The following TRIM24 variants were observed in gnomAD, a reference collection of about 807,000 sequenced individuals.
The protein encoded by TRIM24 is tripartite motif containing 24.
TRIM24 carries 29 observed loss-of-function variants against 123.9 expected under a neutral mutation model. The observed-to-expected ratio is 0.23, with a 90% CI of 0.17 to 0.32. TRIM24 has a LOEUF of 0.32. Among genes scored for constraint, TRIM24 ranks in the 10% least tolerant of loss-of-function variants. The pLI, the probability that TRIM24 is intolerant of heterozygous loss-of-function variation, is 1.00. For missense variants in TRIM24, 932 were observed against 1,295.3 expected, an observed-to-expected ratio of 0.72 and a Z score of 4.31; for synonymous variants, 456 against 461.1, an observed-to-expected ratio of 0.99 and a Z score of 0.14.
chr7:138,553,071 G>A (rs1797244357), intron 8 of TRIM24, among the ~76,000 whole-genome samples: 1 of 152,174 alleles, frequency 6.6e-6, no homozygotes, highest in Non-Finnish European at 1.5e-5. Context: ...GATAAATCTA[G>A]TTTAGCCAAA....
chr7:138,488,073 A>C (rs1308391683), intron 1 of TRIM24, among the ~76,000 whole-genome samples: 1 of 151,694 alleles, frequency 6.6e-6, no homozygotes, highest in Admixed American at 6.6e-5. Flanking sequence ...TAGTCTTGGG[A>C]GTGTGTATGT....
intron 6 of TRIM24, 77 bp from the exon 7 acceptor site, chr7:138,538,580 T>A: frequency 1.4e-6 from 2 of 1,453,448 alleles, no homozygotes; most frequent in Non-Finnish European, 1.9e-6. Context: ...GTTATTCTAA[T>A]TTGTTTACCT....
chr7:138,540,961 C>T (rs1413061925), intron 7 of TRIM24, among the ~76,000 whole-genome samples: 2 of 152,132 alleles, frequency 1.3e-5, no homozygotes, highest in East Asian at 3.9e-4. Flanking sequence ...GCCTCAGCCT[C>T]CCAATAGCTG....
chr7:138,536,955 G>A (rs1183422340), intron 6 of TRIM24, among the ~76,000 whole-genome samples: 4 of 152,170 alleles, frequency 2.6e-5, no homozygotes, highest in Admixed American at 6.5e-5. Context: ...CTTGCAGTTC[G>A]ATCTCAGACT....
intron 2 of TRIM24, 56 bp from the exon 3 acceptor site, chr7:138,515,156 G>C (rs1158328313): frequency 1.3e-6 from 2 of 1,572,600 alleles, no homozygotes; most frequent in Non-Finnish European, 1.7e-6. Flanking sequence ...CATAGCTCGA[G>C]ATAGGACCAC....
At position 138,570,956 on chromosome 7, in the gene TRIM24, T is replaced by C. The variant is rs116816286; in HGVS notation, c.1831T>C (p.Leu611=). The C allele has an allele frequency of 2.1e-4, 344 of 1,614,112 alleles. No individual in the cohort carries two copies. The African/African-American group carries it at 3.7e-3, about 18-fold the overall frequency. ...GGCTTTTGGTTCACCTATGATCGATTTGAGCTCACCAGTGGGAGGGTCTTA... is the reference window on the plus strand; with the variant it reads ...GGCTTTTGGTTCACCTATGATCGATCTGAGCTCACCAGTGGGAGGGTCTTA... The part of the protein sequence containing the change: ...GKAFGSPMID[L]SSPVGGSYNL... Residue 611 remains leucine, a synonymous_variant, in exon 11 of 19, where the codon TTG becomes CTG. Coordinates refer to ENST00000343526, the MANE Select transcript of TRIM24 (RefSeq NM_015905.3).
At chr7:138,497,205 G>T (rs989223330) in intron 1 of TRIM24, among the ~76,000 whole-genome samples, 1 of 151,734 alleles carries the variant, frequency 6.6e-6, no homozygotes, top group South Asian at 2.1e-4. Flanking sequence ...ACTTTTCTTC[G>T]TGGGAAGGTT....
At chr7:138,488,077 T>C (rs1045834594) in intron 1 of TRIM24, among the ~76,000 whole-genome samples, 7 of 152,180 alleles carry the variant, frequency 4.6e-5, no homozygotes, top group African/African-American at 1.7e-4. Context: ...CTTGGGAGTG[T>C]GTATGTGTCC....
At chr7:138,507,384 G>A (rs1349774465) in intron 2 of TRIM24, among the ~76,000 whole-genome samples, 1 of 146,026 alleles carries the variant, frequency 6.8e-6, no homozygotes, top group African/African-American at 2.5e-5. Context: ...TTTTGAGATG[G>A]AGTTTTGCTC....
chr7:138,469,492 G>A (rs982247363), intron 1 of TRIM24, among the ~76,000 whole-genome samples: 4 of 151,936 alleles, frequency 2.6e-5, no homozygotes, highest in African/African-American at 9.7e-5. Context: ...TGTATTTTTA[G>A]TACAGACGGG....
chr7:138,460,867 G>A lies in TRIM24; in HGVS notation c.319G>A (p.Ala107Thr). Residue 107 changes from alanine (A) to threonine (T), a missense_variant, in exon 1 of 19, where the codon GCC becomes ACC. This residue lies in a region of TRIM24 where 164 missense variants were observed against 181.9 expected (regional missense o/e 0.90). Transcript: ENST00000343526. ...GSAETPPPVP[A>T]PGSPVSGSSP... ...GGCCGAGACCCCGCCACCCGTCCCT[G>A]CCCCCGGCTCGCCGGTCAGCGGCTC... 6.5e-7 allele frequency: 1 copy of A among 1,546,222 alleles called. No homozygotes were observed. The highest frequency in any genetic ancestry group is 8.7e-7 in the Non-Finnish European group (1 of 1,155,566).
intron 1 of TRIM24, among the ~76,000 whole-genome samples, chr7:138,501,854 C>T (rs930968994): frequency 6.6e-6 from 1 of 151,272 alleles, no homozygotes; most frequent in South Asian, 2.1e-4. Context: ...TGTCACTACA[C>T]TCCAGCCTGG....
chr7:138,580,971 A>G (rs1277587474), intron 16 of TRIM24, among the ~76,000 whole-genome samples: 1 of 152,124 alleles, frequency 6.6e-6, no homozygotes, highest in Non-Finnish European at 1.5e-5. Flanking sequence ...GTAAATTTCT[A>G]TTTTGTTTTA....
chr7:138,526,111 A>G (rs150451903), intron 5 of TRIM24, among the ~76,000 whole-genome samples: 274 of 152,334 alleles, frequency 1.8e-3, no homozygotes, highest in Non-Finnish European at 3.1e-3. Context: ...AAGTCAAGAA[A>G]TGTTTATTAG....
chr7:138,503,866 T>C (rs1256547265), intron 1 of TRIM24, among the ~76,000 whole-genome samples: 1 of 152,358 alleles, frequency 6.6e-6, no homozygotes, highest in East Asian at 1.9e-4. Context: ...TTTTACACTC[T>C]GTGGAGATTT....
intron 2 of TRIM24, among the ~76,000 whole-genome samples, chr7:138,506,666 T>C (rs569867101): frequency 1.3e-5 from 2 of 152,324 alleles, no homozygotes; most frequent in Non-Finnish European, 1.5e-5. Flanking sequence ...TTTCAGTACG[T>C]TTATGTTTAT....
intron 9 of TRIM24, among the ~76,000 whole-genome samples, chr7:138,561,774 G>A (rs760757459): frequency 3.9e-5 from 6 of 152,164 alleles, no homozygotes; most frequent in African/African-American, 7.2e-5. Flanking sequence ...GCAATCCTAC[G>A]GCTGGGGCCT....
intron 1 of TRIM24, among the ~76,000 whole-genome samples, chr7:138,476,390 C>T (rs535276907): frequency 3.8e-4 from 57 of 151,796 alleles, no homozygotes; most frequent in Middle Eastern, 3.4e-3. Context: ...GTCAGGAGTC[C>T]GAGACCAGCC....
intron 6 of TRIM24, among the ~76,000 whole-genome samples, chr7:138,533,059 A>G (rs1342529481): frequency 1.3e-5 from 2 of 152,162 alleles, no homozygotes; most frequent in Admixed American, 1.3e-4. Context: ...TTGCACATTG[A>G]TTTTGTATCC....
Sources: gnomAD v4.1 joint callset for allele counts (sites outside exome capture counted in the v4.1 genomes callset) on GRCh38, gnomAD v4.1.1 for gene constraint, gnomAD v4.1.1 regional missense constraint, MANE v1.5 for transcripts, NCBI Gene and HGNC (gene_info 2026-07-23, HGNC 2026-07-21) for gene names.